DAPK2: variants seen among roughly 807,000 people sequenced by gnomAD.
DAPK2 encodes the protein death associated protein kinase 2, also known as death-associated protein kinase 2.
Under a neutral mutation model 44.1 loss-of-function variants are expected in DAPK2, and 35 were observed. That is an observed-to-expected ratio of 0.79 (90% CI 0.61 to 1.05). DAPK2 has a LOEUF of 1.05. Ranked by LOEUF, DAPK2 falls within the 50% of genes least tolerant of loss-of-function variation. The pLI is 0.00. For synonymous variants in DAPK2, 174 were observed against 182.6 expected (o/e 0.95, Z 0.38); for missense variants, 453 against 483.2 (o/e 0.94, Z 0.59).
intron 1 of DAPK2, among the ~76,000 whole-genome samples, chr15:64,001,496 G>C (rs769023234): frequency 6.6e-6 from 1 of 152,170 alleles, no homozygotes; most frequent in Non-Finnish European, 1.5e-5. Flanking sequence ...CCCACTTGAG[G>C]AGGATGGGAA....
intron 1 of DAPK2, among the ~76,000 whole-genome samples, chr15:64,029,493 G>C (rs909762963): frequency 3.3e-5 from 5 of 152,096 alleles, no homozygotes; most frequent in Non-Finnish European, 5.9e-5. Flanking sequence ...ATTAGACCCT[G>C]CCGCGCCCAG....
chr15:63,922,400 A>G, intron 8 of DAPK2: 2 of 1,081,548 alleles, frequency 1.8e-6, no homozygotes, highest in Non-Finnish European at 2.2e-6. Context: ...TGAGATATGA[A>G]CAAATCCTTC....
At chr15:63,936,329 G>GCGGTGGCT (rs2077146137) in intron 4 of DAPK2, among the ~76,000 whole-genome samples, 1 of 152,230 alleles carries the variant, frequency 6.6e-6, no homozygotes, top group Admixed American at 6.5e-5. Context: ...CTGGCCAGGA[G>GCGGTGGCT]CGGTGGCTCG....
intron 1 of DAPK2, among the ~76,000 whole-genome samples, chr15:63,999,570 T>G (rs1401786714): frequency 2.0e-5 from 3 of 152,166 alleles, no homozygotes; most frequent in African/African-American, 4.8e-5. Flanking sequence ...AGTAGGGGTC[T>G]TTTCCTTTTC....
chr15:63,980,547 G>A lies in DAPK2; in HGVS notation c.314+2986C>T, dbSNP rs961858597. Among the ~76,000 whole-genome samples the A allele has an allele frequency of 1.3e-5, 2 of 152,322 alleles. No individual in the cohort carries two copies. The highest frequency in any genetic ancestry group is 4.8e-5 in the African/African-American group (2 of 41,570). ...TGAGTCCCAAAAATGTCAGCCTTTGGCTTAGTCATCCCATTCCTGGGGATG... is the reference window on the plus strand; with the variant it reads ...TGAGTCCCAAAAATGTCAGCCTTTGACTTAGTCATCCCATTCCTGGGGATG... On this transcript the variant is annotated intron_variant, in intron 2 of 10. Transcript: ENST00000261891. The surrounding 1 kb of genome is among the most constrained non-coding windows in gnomAD (Gnocchi z 4.3).
At chr15:63,975,998 CT>C (rs144566490) in intron 2 of DAPK2, among the ~76,000 whole-genome samples, 3,258 of 152,300 alleles carry the variant, frequency 0.021, 110 homozygotes, top group African/African-American at 0.075. Flanking sequence ...TTCTTTTCTC[CT>C]TTCTTTAAAC....
At chr15:63,996,716 C>T (rs2078957722) in intron 1 of DAPK2, among the ~76,000 whole-genome samples, 1 of 152,226 alleles carries the variant, frequency 6.6e-6, no homozygotes, top group Non-Finnish European at 1.5e-5. Context: ...ACTTCCAAAA[C>T]GGAGCTTAGC....
intron 2 of DAPK2, among the ~76,000 whole-genome samples, chr15:63,975,117 A>AC (rs1162299537): frequency 6.6e-6 from 1 of 152,112 alleles, no homozygotes; most frequent in Admixed American, 6.6e-5. Context: ...CAATCCTCTG[A>AC]CAGAAGCTGG....
intron 1 of DAPK2, among the ~76,000 whole-genome samples, chr15:63,996,586 G>T (rs2078954536): frequency 6.6e-6 from 1 of 152,096 alleles, no homozygotes; most frequent in South Asian, 2.1e-4. Context: ...CTCATCATAG[G>T]TTGCCTCAAA....
chr15:63,921,824 T>C lies in DAPK2; in HGVS notation c.858+2992A>G, dbSNP rs1036786825. Reference sequence around the variant, plus strand: ...AATGGGAAGACTCCTTCCTTCCTTCTCTCCTGCTTGCAGGCTGGTCTTCAG... The same window carrying C: ...AATGGGAAGACTCCTTCCTTCCTTCCCTCCTGCTTGCAGGCTGGTCTTCAG... On this transcript the variant is annotated intron_variant, in intron 8 of 10. Coordinates refer to ENST00000261891, the Ensembl canonical transcript of DAPK2. 2.6e-5 allele frequency: 4 copies of C among 152,122 alleles called. No homozygotes were observed. The East Asian group carries it at 7.7e-4, about 29-fold the overall frequency. The allele number at this position is 152,122 out of a possible 1,614,324, so 9.4% of individuals were successfully genotyped here. A position where few individuals can be genotyped will look rare whatever the true frequency, so the allele number is the denominator to read the frequency against.
At chr15:63,970,283 C>T (rs80079856) in intron 3 of DAPK2, among the ~76,000 whole-genome samples, 2 of 152,308 alleles carry the variant, frequency 1.3e-5, no homozygotes, top group African/African-American at 2.4e-5. Context: ...CCCAGCCACT[C>T]AGCACACACT....
chr15:64,006,910 C>T (rs2079245736), intron 1 of DAPK2, among the ~76,000 whole-genome samples: 1 of 152,102 alleles, frequency 6.6e-6, no homozygotes, highest in South Asian at 2.1e-4. Context: ...TTCTTCCCTC[C>T]CACCCATAGG....
intron 1 of DAPK2, among the ~76,000 whole-genome samples, chr15:64,017,089 C>T (rs900843466): frequency 3.3e-5 from 5 of 152,194 alleles, no homozygotes; most frequent in African/African-American, 1.2e-4. Flanking sequence ...TGGGGGCTCT[C>T]ACTCAGCAGG....
At chr15:63,931,040 G>A (rs1449222908) in intron 4 of DAPK2, among the ~76,000 whole-genome samples, 1 of 152,138 alleles carries the variant, frequency 6.6e-6, no homozygotes, top group African/African-American at 2.4e-5. Flanking sequence ...ACTCCAGCCT[G>A]GGTGACAGAG....
At chr15:63,984,647 T>C (rs144404621) in intron 1 of DAPK2, among the ~76,000 whole-genome samples, 45 of 152,274 alleles carry the variant, frequency 3.0e-4, no homozygotes, top group Middle Eastern at 3.4e-3. Flanking sequence ...GTCCCCTTAC[T>C]GCCATTTGCC....
upstream of DAPK2, chr15:64,046,457 C>G: frequency 4.9e-6 from 1 of 205,868 alleles, no homozygotes; most frequent in Non-Finnish European, 8.4e-6. The surrounding 1 kb of genome is among the most constrained non-coding windows in gnomAD (Gnocchi z 5.3). Flanking sequence ...GCGCCCGGCA[C>G]CCGCCCGCCG....
At chr15:63,944,966 T>A (rs1418576649) in intron 3 of DAPK2, among the ~76,000 whole-genome samples, 18 of 152,202 alleles carry the variant, frequency 1.2e-4, no homozygotes, top group Admixed American at 1.1e-3. Flanking sequence ...TTGGAATGCC[T>A]GTCCTACTCC....
chr15:63,960,722 T>C (rs1471112837), intron 3 of DAPK2, among the ~76,000 whole-genome samples: 3 of 151,652 alleles, frequency 2.0e-5, no homozygotes, highest in Non-Finnish European at 3.0e-5. Context: ...GAGACAGTTA[T>C]AATATCTGTT....
chr15:63,967,241 A>G (rs1050159389), intron 3 of DAPK2, among the ~76,000 whole-genome samples: 1 of 152,132 alleles, frequency 6.6e-6, no homozygotes, highest in African/African-American at 2.4e-5. Flanking sequence ...GTGACCTCTC[A>G]CCTGGTTTTT....
Sources: allele counts gnomAD v4.1 joint callset (sites outside exome capture counted in the v4.1 genomes callset), GRCh38; gene constraint gnomAD v4.1.1; non-coding constraint Gnocchi (gnomAD v3.1); transcripts MANE v1.5; gene names NCBI Gene and HGNC (gene_info 2026-07-23, HGNC 2026-07-21).